Variants in ZNF804B observed in about 807,000 individuals in gnomAD.
The protein encoded by ZNF804B is zinc finger 804B.
A neutral mutation model predicts 101.4 loss-of-function variants in ZNF804B; 80 were observed. The observed-to-expected ratio is 0.79, with a 90% CI of 0.66 to 0.95. ZNF804B has a LOEUF of 0.95. Among genes scored for constraint, ZNF804B ranks in the 40% least tolerant of loss-of-function variants. ZNF804B has a pLI of 0.00. For missense variants in ZNF804B, 1,673 were observed against 1,561.9 expected (o/e 1.07, Z -1.20); for synonymous variants, 622 against 558.8 (o/e 1.11, Z -1.59).
At chr7:89,314,292 A>C (rs913879096) in intron 2 of ZNF804B, among the ~76,000 whole-genome samples, 2 of 152,112 alleles carry the variant, frequency 1.3e-5, no homozygotes, top group African/African-American at 4.8e-5. Context: ...GACAACCTTA[A>C]ATTCTTAGGC....
chr7:88,812,111 C>T (rs1428338843), intron 1 of ZNF804B, among the ~76,000 whole-genome samples: 1 of 152,136 alleles, frequency 6.6e-6, no homozygotes, highest in Non-Finnish European at 1.5e-5. Context: ...GTGGTACAAC[C>T]TTTCTTAACA....
At chr7:88,780,264 AG>A (rs1242977365) in intron 1 of ZNF804B, among the ~76,000 whole-genome samples, 5 of 152,278 alleles carry the variant, frequency 3.3e-5, no homozygotes, top group African/African-American at 7.2e-5. Context: ...AAAAGTTTGG[AG>A]GTTCCTCAAA....
intron 1 of ZNF804B, among the ~76,000 whole-genome samples, chr7:88,783,619 G>T (rs978968733): frequency 7.2e-5 from 11 of 152,096 alleles, no homozygotes; most frequent in Non-Finnish European, 1.5e-4. Flanking sequence ...TCACTTTTGT[G>T]AATAAAAATG....
At chr7:89,267,298 A>G (rs1160819266) in intron 2 of ZNF804B, among the ~76,000 whole-genome samples, 1 of 151,960 alleles carries the variant, frequency 6.6e-6, no homozygotes, top group Non-Finnish European at 1.5e-5. Context: ...TCTGTTTTGT[A>G]TATTCTACAC....
chr7:88,848,290 C>T (rs529738886), intron 1 of ZNF804B, among the ~76,000 whole-genome samples: 2 of 152,262 alleles, frequency 1.3e-5, no homozygotes, highest in South Asian at 4.1e-4. Flanking sequence ...GGCAGAGTGT[C>T]CACATTATGG....
intron 1 of ZNF804B, among the ~76,000 whole-genome samples, chr7:89,060,189 C>T (rs1789358192): frequency 6.6e-6 from 1 of 152,104 alleles, no homozygotes; most frequent in African/African-American, 2.4e-5. Flanking sequence ...ACCATAATTG[C>T]ATAAGTCAAT....
chr7:89,124,094 A>G (rs1474816645), intron 1 of ZNF804B, among the ~76,000 whole-genome samples: 6 of 152,140 alleles, frequency 3.9e-5, no homozygotes, highest in Admixed American at 3.9e-4. Flanking sequence ...CCAGGAGGAT[A>G]TGTCATGTCC....
intron 1 of ZNF804B, among the ~76,000 whole-genome samples, chr7:89,084,382 A>G (rs545477193): frequency 5.2e-4 from 79 of 152,086 alleles, no homozygotes; most frequent in African/African-American, 1.9e-3. Flanking sequence ...TAAATGGTAC[A>G]GTGTAAACCA....
intron 1 of ZNF804B, among the ~76,000 whole-genome samples, chr7:89,035,874 T>C (rs919614034): frequency 2.1e-5 from 3 of 146,234 alleles, no homozygotes; most frequent in African/African-American, 7.5e-5. Flanking sequence ...TATATTATAT[T>C]ATATATTCAT....
At chr7:88,991,899 A>T (rs1195292718) in intron 1 of ZNF804B, among the ~76,000 whole-genome samples, 1 of 152,200 alleles carries the variant, frequency 6.6e-6, no homozygotes. Flanking sequence ...GAACACACAG[A>T]ATCTCTTGAG....
intron 1 of ZNF804B, among the ~76,000 whole-genome samples, chr7:89,203,562 A>T (rs530899018): frequency 2.6e-5 from 4 of 152,136 alleles, no homozygotes; most frequent in African/African-American, 9.6e-5. Flanking sequence ...GTAAAGCATA[A>T]TTTTTTTCAC....
chr7:89,085,764 T>C (rs575679496), intron 1 of ZNF804B, among the ~76,000 whole-genome samples: 8 of 152,122 alleles, frequency 5.3e-5, no homozygotes, highest in African/African-American at 1.9e-4. Context: ...GGATTTTACT[T>C]GTCACTTTTA....
intron 1 of ZNF804B, among the ~76,000 whole-genome samples, chr7:89,154,232 C>CA (rs1293581320): frequency 6.6e-6 from 1 of 152,108 alleles, no homozygotes; most frequent in Non-Finnish European, 1.5e-5. Flanking sequence ...CAGGCAATAA[C>CA]AAATGCTAGT....
intron 1 of ZNF804B, among the ~76,000 whole-genome samples, chr7:88,921,268 G>A (rs954156091): frequency 4.0e-5 from 6 of 151,894 alleles, no homozygotes; most frequent in African/African-American, 1.5e-4. Context: ...AAAACTGGAT[G>A]GTGAAGTATC....
rs541354841 is a variant in ZNF804B, at chr7:89,236,057, C to T, written c.249+17762C>T. ...CTCAAATACACATCAAGTTATAATG[C>T]TTAGTAGGTGTAATAATATTTGTCA... On this transcript the variant is annotated intron_variant, in intron 2 of 3. Coordinates refer to ENST00000333190, the MANE Select transcript of ZNF804B (RefSeq NM_181646.5). Among the ~76,000 whole-genome samples the T allele has an allele frequency of 1.7e-3, 260 of 152,174 alleles. 2 individuals are homozygous for T. Among genetic ancestry groups the T allele is most frequent in the Middle Eastern group, 0.014 (4 of 294 alleles).
chr7:88,843,753 T>G (rs939711478), intron 1 of ZNF804B, among the ~76,000 whole-genome samples: 1 of 151,852 alleles, frequency 6.6e-6, no homozygotes, highest in African/African-American at 2.4e-5. Flanking sequence ...AAAAAAATAA[T>G]AAATAATAAA....
At chr7:89,228,448 A>G (rs1349390694) in intron 2 of ZNF804B, among the ~76,000 whole-genome samples, 1 of 152,128 alleles carries the variant, frequency 6.6e-6, no homozygotes, top group Non-Finnish European at 1.5e-5. Flanking sequence ...AGCTAGACAC[A>G]TAGGTTCTCC....
chr7:88,884,032 GAAGGC>G, intron 1 of ZNF804B, among the ~76,000 whole-genome samples: 1 of 152,044 alleles, frequency 6.6e-6, no homozygotes, highest in Non-Finnish European at 1.5e-5. Flanking sequence ...AGATCCTAAT[GAAGGC>G]AGATGTCTAA....
chr7:88,840,336 C>T (rs115828868), intron 1 of ZNF804B, among the ~76,000 whole-genome samples: 6 of 152,008 alleles, frequency 3.9e-5, no homozygotes, highest in Non-Finnish European at 5.9e-5. Flanking sequence ...TTCCTATTAC[C>T]GGGTCCTCTG....
Sources: allele counts gnomAD v4.1 joint callset (sites outside exome capture counted in the v4.1 genomes callset), GRCh38; gene constraint gnomAD v4.1.1; transcripts MANE v1.5; gene names NCBI Gene and HGNC (gene_info 2026-07-23, HGNC 2026-07-21).